The following PLXDC2 variants were observed in gnomAD, a reference collection of about 807,000 sequenced individuals.
PLXDC2 encodes the protein plexin domain containing 2.
PLXDC2 carries 40 observed loss-of-function variants against 68.9 expected under a neutral mutation model. The ratio of observed to expected loss-of-function variants is 0.58; its 90% confidence interval spans 0.45 to 0.76. PLXDC2 has a LOEUF of 0.76. Among genes scored for constraint, PLXDC2 ranks in the 30% least tolerant of loss-of-function variants. The probability of loss-of-function intolerance (pLI) is 0.00; values close to 1 mark genes in which losing one functional copy is unlikely to be tolerated. For missense variants in PLXDC2, 644 were observed against 661.9 expected (o/e 0.97, Z 0.30); for synonymous variants, 243 against 234.2 (o/e 1.04, Z -0.34).
intron 6 of PLXDC2, among the ~76,000 whole-genome samples, chr10:20,160,594 CA>C (rs1361915478): frequency 6.6e-6 from 1 of 152,060 alleles, no homozygotes; most frequent in Non-Finnish European, 1.5e-5. Flanking sequence ...AGATAATTTT[CA>C]GTGATAGAAA....
chr10:19,917,357 C>T (rs1833387549), intron 1 of PLXDC2, among the ~76,000 whole-genome samples: 1 of 151,870 alleles, frequency 6.6e-6, no homozygotes, highest in Admixed American at 6.6e-5. Flanking sequence ...AGCCAGGCTA[C>T]CTTATAAACA....
At chr10:20,156,877 G>C (rs1186238815) in intron 6 of PLXDC2, among the ~76,000 whole-genome samples, 1 of 152,162 alleles carries the variant, frequency 6.6e-6, no homozygotes, top group Admixed American at 6.5e-5. Context: ...TTCTATTCAA[G>C]TGTAGTTTAC....
At chr10:19,996,160 G>A (rs888164460) in intron 1 of PLXDC2, among the ~76,000 whole-genome samples, 49 of 152,192 alleles carry the variant, frequency 3.2e-4, no homozygotes, top group African/African-American at 1.1e-3. Context: ...ACTAGATAGG[G>A]CTGGGCACCG....
In PLXDC2 at chr10:20,287,675, T is replaced by C. The variant is rs1003393330; in HGVS notation, c.*7856T>C. 8.5e-5 allele frequency: 13 copies of C among 152,270 alleles called. No individual in the cohort carries two copies. The highest frequency in any genetic ancestry group is 2.9e-4 in the African/African-American group (12 of 41,568). The allele number at this position is 152,270 out of a possible 1,614,324, so 9.4% of individuals were successfully genotyped here. A position where few individuals can be genotyped will look rare whatever the true frequency, so the allele number is the denominator to read the frequency against. On this transcript the variant is annotated 3_prime_UTR_variant, in exon 14 of 14. Coordinates refer to ENST00000377252, the MANE Select transcript of PLXDC2 (RefSeq NM_032812.9). ...TCATTTTAGGGAAATCAGTGAAGTC[T>C]CTTTAGAAACAGACATCTTGTGTAT...
intron 1 of PLXDC2, among the ~76,000 whole-genome samples, chr10:19,959,746 T>C (rs547214765): frequency 6.6e-6 from 1 of 152,216 alleles, no homozygotes; most frequent in Admixed American, 6.5e-5. Flanking sequence ...ATGTAAAACA[T>C]CCAGGAACCC....
chr10:20,273,812 T>C (rs894122623), intron 13 of PLXDC2, among the ~76,000 whole-genome samples: 33 of 152,122 alleles, frequency 2.2e-4, no homozygotes, highest in African/African-American at 7.7e-4. Flanking sequence ...AGGCTAGAAG[T>C]TCGAGACCAG....
At chr10:20,177,116 G>A (rs1459182591) in intron 8 of PLXDC2, 22 bp downstream of exon 8, 3 of 1,543,344 alleles carry the variant, frequency 1.9e-6, no homozygotes, top group Middle Eastern at 1.7e-4. Flanking sequence ...TGTAAACCTA[G>A]GTGGAAAACA....
chr10:20,051,091 T>C (rs1412683871), intron 3 of PLXDC2, among the ~76,000 whole-genome samples: 1 of 152,002 alleles, frequency 6.6e-6, no homozygotes, highest in East Asian at 1.9e-4. Context: ...TGTGGGAACA[T>C]GGATGGAACT....
intron 7 of PLXDC2, among the ~76,000 whole-genome samples, chr10:20,169,113 C>T (rs1428443260): frequency 6.6e-6 from 1 of 152,108 alleles, no homozygotes; most frequent in Non-Finnish European, 1.5e-5. Flanking sequence ...ACATAGTTTG[C>T]ATCGCATATT....
chr10:19,870,453 T>C (rs1246859714), intron 1 of PLXDC2, among the ~76,000 whole-genome samples: 1 of 151,774 alleles, frequency 6.6e-6, no homozygotes, highest in Non-Finnish European at 1.5e-5. Context: ...TGAGACAGAG[T>C]CTTGCTCTGT....
At chr10:20,115,404 G>A (rs998525924) in intron 4 of PLXDC2, among the ~76,000 whole-genome samples, 6 of 152,024 alleles carry the variant, frequency 3.9e-5, no homozygotes, top group African/African-American at 7.2e-5. Flanking sequence ...GCCCCTATTT[G>A]GTAACAACAG....
intron 9 of PLXDC2, among the ~76,000 whole-genome samples, chr10:20,186,139 C>G (rs1834679462): frequency 6.6e-6 from 1 of 151,774 alleles, no homozygotes; most frequent in Non-Finnish European, 1.5e-5. Flanking sequence ...CCATTTTTGT[C>G]TTTGCTAAAA....
chr10:19,829,326 G>A (rs151328146), intron 1 of PLXDC2, among the ~76,000 whole-genome samples: 51 of 152,152 alleles, frequency 3.4e-4, no homozygotes, highest in African/African-American at 1.2e-3. Flanking sequence ...AGCATAGGAA[G>A]CTCTCTGAAA....
chr10:19,860,126 C>A (rs1837291638), intron 1 of PLXDC2, among the ~76,000 whole-genome samples: 1 of 152,148 alleles, frequency 6.6e-6, no homozygotes, highest in Non-Finnish European at 1.5e-5. Flanking sequence ...AATCACACTA[C>A]TAACAGGACC....
At chr10:20,159,757 T>A (rs937993895) in intron 6 of PLXDC2, among the ~76,000 whole-genome samples, 21 of 152,214 alleles carry the variant, frequency 1.4e-4, no homozygotes, top group Admixed American at 1.2e-3. Flanking sequence ...AGAGACAACC[T>A]TTTAACTCCT....
intron 2 of PLXDC2, among the ~76,000 whole-genome samples, chr10:20,037,777 T>C (rs1051515173): frequency 6.6e-6 from 1 of 152,192 alleles, no homozygotes; most frequent in African/African-American, 2.4e-5. Flanking sequence ...CAACTCGGCA[T>C]AGCAGAGAGG....
At chr10:19,911,368 G>A (rs997265343) in intron 1 of PLXDC2, among the ~76,000 whole-genome samples, 1 of 152,136 alleles carries the variant, frequency 6.6e-6, no homozygotes, top group African/African-American at 2.4e-5. Flanking sequence ...AATGCCTCCT[G>A]TAAACATGTT....
intron 13 of PLXDC2, among the ~76,000 whole-genome samples, chr10:20,269,028 A>G (rs924049693): frequency 3.9e-5 from 6 of 152,214 alleles, no homozygotes; most frequent in Non-Finnish European, 8.8e-5. Flanking sequence ...GAAGATTAGA[A>G]TATTCTTAGC....
chr10:20,084,714 G>C (rs569717669), intron 4 of PLXDC2, among the ~76,000 whole-genome samples: 6 of 151,886 alleles, frequency 4.0e-5, no homozygotes, highest in Non-Finnish European at 8.8e-5. Context: ...TGTGTTTAAC[G>C]ACACAGAGCT....
Sources: gnomAD v4.1 joint callset for allele counts (sites outside exome capture counted in the v4.1 genomes callset) on GRCh38, gnomAD v4.1.1 for gene constraint, MANE v1.5 for transcripts, NCBI Gene and HGNC (gene_info 2026-07-23, HGNC 2026-07-21) for gene names.